Variants in CD109 observed in about 807,000 individuals in gnomAD.
The protein encoded by CD109 is CD109 antigen.
A neutral mutation model predicts 165.8 loss-of-function variants in CD109; 149 were observed. The ratio of observed to expected loss-of-function variants is 0.90; its 90% confidence interval spans 0.79 to 1.03. The LOEUF (loss-of-function observed/expected upper bound fraction) is 1.03, where lower values mean the gene tolerates loss of function less well. Among genes scored for constraint, CD109 ranks in the 50% least tolerant of loss-of-function variants. The pLI, the probability that CD109 is intolerant of heterozygous loss-of-function variation, is 0.00. For missense variants in CD109, 1,712 were observed against 1,677.8 expected (o/e 1.02, Z -0.36); for synonymous variants, 585 against 592.1 (o/e 0.99, Z 0.18).
intron 27 of CD109, 89 bp downstream of exon 27, chr6:73,810,263 T>A: frequency 3.0e-6 from 1 of 337,804 alleles, no homozygotes; most frequent in Non-Finnish European, 4.7e-6. Flanking sequence ...ATATAGTATA[T>A]ATTATATAAA....
chr6:73,782,099 C>T (rs901525511), intron 17 of CD109, among the ~76,000 whole-genome samples: 4 of 152,182 alleles, frequency 2.6e-5, no homozygotes, highest in African/African-American at 9.7e-5. Flanking sequence ...CCTGAATTCC[C>T]TGTTTCTGTC....
At chr6:73,688,937 T>G in the CD109 span, among the ~76,000 whole-genome samples, 1 of 151,778 alleles carries the variant, frequency 6.6e-6, no homozygotes, top group South Asian at 2.1e-4. Flanking sequence ...TCTGGCTAAT[T>G]TTTTTGATTT....
chr6:73,708,049 G>A (rs1422804492), intron 2 of CD109, among the ~76,000 whole-genome samples: 1 of 145,676 alleles, frequency 6.9e-6, no homozygotes, highest in African/African-American at 2.6e-5. Flanking sequence ...TGCACAACAT[G>A]CAGGTTTGTT....
At position 73,766,943 on chromosome 6, in the gene CD109, T is replaced by C. The variant is rs1773876977; in HGVS notation, c.1435-5T>C. ...ATGTACATATTAATTAAGGTTTTTT[T>C]CTAGGTGGGATCGCCTTTTGAGTTG... On this transcript the variant is annotated splice_region_variant and splice_polypyrimidine_tract_variant and intron_variant, in intron 12 of 32. Transcript: ENST00000287097. 6.2e-7 allele frequency: 1 copy of C among 1,613,648 alleles called. No homozygotes were observed. Among genetic ancestry groups the C allele is most frequent in the Non-Finnish European group, 8.5e-7 (1 of 1,179,724 alleles).
rs1282064062 is a variant in CD109, at chr6:73,806,943, T to C, written c.3060T>C (p.His1020=). ...GAACATACACTTGGCTTAAAGGACA[T>C]CAGAAATCCAACGGTGAATTTTGGG... is the stretch of plus-strand genomic sequence containing the variant. ...LHRTYTWLKG[H]QKSNGEFWDP... is the part of the protein sequence containing the mutation. The change falls in exon 25 of 33, where the codon CAT becomes CAC. Residue 1020 remains histidine (H), a synonymous_variant. Transcript: ENST00000287097. The C allele has an allele frequency of 1.2e-6, 2 of 1,613,898 alleles. No individual in the cohort carries two copies. Among genetic ancestry groups the C allele is most frequent in the Non-Finnish European group, 1.7e-6 (2 of 1,179,966 alleles).
rs151284918 is a variant in CD109 at position 73,823,154 on chromosome 6, G to A, written c.4163-304G>A. Among the ~76,000 whole-genome samples the A allele has an allele frequency of 2.0e-3, 311 of 152,308 alleles. 2 individuals are homozygous for A. The highest frequency in any genetic ancestry group is 6.2e-3 in the African/African-American group (257 of 41,568). On this transcript the variant is annotated intron_variant, in intron 32 of 32. Transcript: ENST00000287097. ...CAGTCCTTAACTGAAAATTCTCCCT[G>A]ATGCAGTAAGAGATTAAAGTGGTGC...
At chr6:73,711,080 G>C (rs892948800) in intron 2 of CD109, among the ~76,000 whole-genome samples, 1 of 152,168 alleles carries the variant, frequency 6.6e-6, no homozygotes, top group African/African-American at 2.4e-5. Context: ...GGCCAGACTG[G>C]ATCTGTAGGC....
intron 25 of CD109, 92 bp downstream of exon 25, chr6:73,807,164 T>A: frequency 1.1e-6 from 1 of 915,690 alleles, no homozygotes; most frequent in Non-Finnish European, 1.7e-6. Context: ...ACTTAACAAG[T>A]TGCAGCTTTA....
At chr6:73,784,047 G>T (rs570088178) in intron 19 of CD109, among the ~76,000 whole-genome samples, 9 of 152,112 alleles carry the variant, frequency 5.9e-5, no homozygotes, top group Non-Finnish European at 1.2e-4. Context: ...GATTTGGGTA[G>T]AAAAGTTTAT....
intron 18 of CD109, 102 bp from the exon 19 acceptor site, chr6:73,783,605 A>G (rs1582152752): frequency 1.4e-6 from 1 of 725,380 alleles, no homozygotes; most frequent in Non-Finnish European, 2.4e-6. Flanking sequence ...AACAATAGGA[A>G]AAATTGAAAT....
rs1355721752 is a variant in CD109 at position 73,761,064 on chromosome 6, CACACACAA to C, written c.759-1317_759-1310del. On this transcript the variant is annotated intron_variant, in intron 7 of 32. Transcript: ENST00000287097. Reference sequence around the variant, plus strand: ...ACACACACACACACACACACACACACACACACAAACCCAGAAACTAAGTTTGGTACTAC... The same window carrying C: ...ACACACACACACACACACACACACACACCCAGAAACTAAGTTTGGTACTAC... Among the ~76,000 whole-genome samples, 160 of 136,118 alleles carry C rather than the reference CACACACAA, an allele frequency of 1.2e-3. 1 individual carries two copies. The highest frequency in any genetic ancestry group is 4.0e-3 in the African/African-American group (147 of 36,616). The allele number at this position is 136,118 out of a possible 152,430, so 89.3% of individuals were successfully genotyped here. A position where few individuals can be genotyped will look rare whatever the true frequency, so the allele number is the denominator to read the frequency against.
chr6:73,688,769 T>TTG, the CD109 span, among the ~76,000 whole-genome samples: 1 of 117,012 alleles, frequency 8.5e-6, no homozygotes, highest in African/African-American at 4.3e-5. Context: ...TTGTTTTTTT[T>TTG]TTTTTTTTTT....
chr6:73,703,043 A>T (rs186384573), intron 2 of CD109, among the ~76,000 whole-genome samples: 2 of 152,328 alleles, frequency 1.3e-5, no homozygotes, highest in East Asian at 3.9e-4. Context: ...TAACAACTTG[A>T]TGAAGTAGAT....
At chr6:73,692,502 C>T (rs915064971), upstream of CD109, among the ~76,000 whole-genome samples, 2 of 152,084 alleles carry the variant, frequency 1.3e-5, no homozygotes, top group African/African-American at 4.8e-5. Flanking sequence ...GAATATCCTT[C>T]AAGTCTTTCT....
Position 73,730,325 on chromosome 6 carries a change from G to C in CD109, c.277-19G>C. 6.9e-7 allele frequency: 1 copy of C among 1,458,234 alleles called. No individual in the cohort carries two copies. Among genetic ancestry groups the C allele is most frequent in the Non-Finnish European group, 9.6e-7 (1 of 1,046,786 alleles). The allele number at this position is 1,458,234 out of a possible 1,614,324, so 90.3% of individuals were successfully genotyped here. A position where few individuals can be genotyped will look rare whatever the true frequency, so the allele number is the denominator to read the frequency against. On this transcript the variant is annotated intron_variant, in intron 3 of 32. Coordinates refer to ENST00000287097, the MANE Select transcript of CD109 (RefSeq NM_133493.5). ...GTAAAATAATGAGACCTTGATGTGT[G>C]ATCTCTTTTTCCCCCCAGCTACCTC...
rs775263523 is a variant in CD109 at position 73,758,948 on chromosome 6, A to T, written c.678A>T (p.Leu226Phe). The change falls in exon 7 of 33, where the codon TTA (leucine) becomes TTT (phenylalanine). Residue 226 changes from leucine to phenylalanine, a missense_variant. Coordinates refer to ENST00000287097, the MANE Select transcript of CD109 (RefSeq NM_133493.5). ...ACCCTTGCTTTTCTTTTCCAGTATT[A>T]CCAAAATTTGAAGTGACTTTGCAGA... ...YQSFQVSEYV[L>F]PKFEVTLQTP... 7.0e-6 allele frequency: 11 copies of T among 1,577,286 alleles called. No individual in the cohort carries two copies. Among genetic ancestry groups the T allele is most frequent in the Non-Finnish European group, 9.6e-6 (11 of 1,148,162 alleles).
intron 22 of CD109, among the ~76,000 whole-genome samples, chr6:73,791,186 C>CATATATATATATATAT (rs1236914922): frequency 1.1e-4 from 2 of 18,390 alleles, no homozygotes; most frequent in African/African-American, 2.3e-4. Context: ...TACACACACA[C>CATATATATATATATAT]ACATACATAT....
At position 73,758,987 on chromosome 6, in the gene CD109, T is replaced by G. The variant is rs764752232; in HGVS notation, c.717T>G (p.Cys239Trp). 1.9e-6 allele frequency: 3 copies of G among 1,607,858 alleles called. No homozygotes were observed. The highest frequency in any genetic ancestry group is 1.7e-5 in the Admixed American group (1 of 59,924). Residue 239 changes from cysteine (C) to tryptophan (W), a missense_variant, in exon 7 of 33, where the codon TGT becomes TGG. By Grantham distance (215) the Cys-to-Trp change is radical (BLOSUM62 -2). Transcript: ENST00000287097. ...FEVTLQTPLY[C>W]SMNSKHLNGT... ...TGACTTTGCAGACACCATTATATTG[T>G]TCTATGAATTCTAAGCATTTAAATG...
intron 2 of CD109, among the ~76,000 whole-genome samples, chr6:73,710,412 A>G (rs1034045328): frequency 6.6e-6 from 1 of 152,190 alleles, no homozygotes; most frequent in Non-Finnish European, 1.5e-5. Flanking sequence ...TTCAAGGAGA[A>G]CTACAAACCA....
Sources: gnomAD v4.1 joint callset for allele counts (sites outside exome capture counted in the v4.1 genomes callset) on GRCh38, gnomAD v4.1.1 for gene constraint, MANE v1.5 for transcripts, NCBI Gene and HGNC (gene_info 2026-07-23, HGNC 2026-07-21) for gene names.